Variants in PNLDC1 observed in about 807,000 individuals in gnomAD.
The protein encoded by PNLDC1 is PARN like ribonuclease domain containing exonuclease 1.
A neutral mutation model predicts 82.0 loss-of-function variants in PNLDC1; 70 were observed. The ratio of observed to expected loss-of-function variants is 0.85; its 90% CI spans 0.70 to 1.04. PNLDC1 has a LOEUF of 1.04. PNLDC1 is among the 50% of genes least tolerant of loss of function. The probability of loss-of-function intolerance (pLI) is 0.00; values close to 1 mark genes in which losing one functional copy is unlikely to be tolerated. For synonymous variants in PNLDC1, 280 were observed against 249.3 expected (o/e 1.12, Z -1.16); for missense variants, 631 against 661.1 (o/e 0.95, Z 0.50).
intron 10 of PNLDC1, among the ~76,000 whole-genome samples, chr6:159,811,260 ATAACT>A (rs1170635586): frequency 5.3e-5 from 8 of 152,210 alleles, no homozygotes; most frequent in Admixed American, 3.3e-4. Flanking sequence ...GGTATAACTG[ATAACT>A]TTACCAACTG....
chr6:159,811,379 G>A (rs1781639531), intron 10 of PNLDC1, among the ~76,000 whole-genome samples: 1 of 151,942 alleles, frequency 6.6e-6, no homozygotes, highest in Non-Finnish European at 1.5e-5. Flanking sequence ...ATGATATCAT[G>A]TCTGCCTTTC....
rs919222498 is a variant in PNLDC1, at chr6:159,817,104, C to T, written c.1115-5C>T. The T allele has an allele frequency of 3.1e-6, 5 of 1,611,246 alleles. No homozygotes were observed. The African/African-American group carries it at 5.3e-5, about 17-fold the overall frequency. ...TATTGCATTTCTGTCTTTTTTCCTT[C>T]CTAGTTCTTTTGAAAGTGGCACACT... On this transcript the variant is annotated splice_polypyrimidine_tract_variant and splice_region_variant and intron_variant, in intron 14 of 18. Coordinates refer to ENST00000392167, the MANE Select transcript of PNLDC1 (RefSeq NM_001271862.2).
chr6:159,818,554 G>A lies in PNLDC1; in HGVS notation c.1158-1G>A. On this transcript the variant is annotated splice_acceptor_variant, in intron 15 of 18. Coordinates refer to ENST00000392167, the MANE Select transcript of PNLDC1 (RefSeq NM_001271862.2). LOFTEE classifies it high-confidence loss of function. Reference sequence around the variant, plus strand: ...AGCTTTGGGGTTTTCTGTCCTTGCAGCATCGACCCCGTGCCCGAGTCATCC... The same window carrying A: ...AGCTTTGGGGTTTTCTGTCCTTGCAACATCGACCCCGTGCCCGAGTCATCC... 1 of 1,613,418 alleles carries A rather than the reference G, an allele frequency of 6.2e-7. No homozygotes were observed. Among genetic ancestry groups the A allele is most frequent in the Non-Finnish European group, 8.5e-7 (1 of 1,179,934 alleles).
intron 13 of PNLDC1, 69 bp downstream of exon 13, chr6:159,816,102 C>G: frequency 8.0e-7 from 1 of 1,251,054 alleles, no homozygotes; most frequent in Non-Finnish European, 1.1e-6. Context: ...TGAGCTTGTC[C>G]TTGACCCTGG....
In PNLDC1 at chr6:159,815,871, A is replaced by G; in HGVS notation, c.996-98A>G. The G allele has an allele frequency of 4.3e-6, 4 of 920,610 alleles. No individual in the cohort carries two copies. The South Asian group carries it at 4.4e-5, about 10-fold the overall frequency. The allele number at this position is 920,610 out of a possible 1,614,324, so 57.0% of individuals were successfully genotyped here. On this transcript the variant is annotated intron_variant, in intron 12 of 18. Transcript: ENST00000392167. ...CACCTTAAAGATATGTCCTCAGTAC[A>G]TTTAAAAAATTTATATTAACTTAAG...
At chr6:159,805,877 G>T in intron 6 of PNLDC1, 106 bp from the exon 7 acceptor site, 1 of 804,322 alleles carries the variant, frequency 1.2e-6, no homozygotes. Flanking sequence ...TTTGTATATT[G>T]CAACATGAAA....
chr6:159,813,594 A>C lies in PNLDC1; in HGVS notation c.940-7A>C. On this transcript the variant is annotated splice_polypyrimidine_tract_variant and splice_region_variant and intron_variant, in intron 11 of 18. Transcript: ENST00000392167. ...GTTTTCCTCTGGTTTGTTTTCCATG[A>C]TTGTAGGAGATGAATTTCCCGAGGG... 1 of 1,610,390 alleles carries C rather than the reference A, an allele frequency of 6.2e-7. No homozygotes were observed. The highest frequency in any genetic ancestry group is 1.7e-5 in the Admixed American group (1 of 60,024).
chr6:159,804,437 G>T lies in PNLDC1; in HGVS notation c.373-112G>T, dbSNP rs866705194. 52 of 753,018 alleles carry T rather than the reference G, an allele frequency of 6.9e-5. 1 individual carries two copies. In the Middle Eastern group the frequency reaches 6.8e-3, roughly 99 times the overall value. 46.6% of individuals were successfully genotyped at this position (753,018 alleles called of 1,614,324 possible). The stretch of plus-strand genomic sequence containing the variant: ...TCTTACAAGTGATCTAGACGAACTG[G>T]CTTATACAGCCCGTCTCCTTTCCCC... On this transcript the variant is annotated intron_variant, in intron 5 of 18. Transcript: ENST00000392167.
At chr6:159,805,700 T>C (rs896572901) in intron 6 of PNLDC1, 7 of 376,642 alleles carry the variant, frequency 1.9e-5, no homozygotes, top group African/African-American at 1.4e-4. Flanking sequence ...CAATGCTTGG[T>C]ATTGGCTAGA....
chr6:159,808,679 C>T, intron 7 of PNLDC1, 61 bp from the exon 8 acceptor site: 1 of 1,487,806 alleles, frequency 6.7e-7, no homozygotes, highest in Non-Finnish European at 9.3e-7. Flanking sequence ...CAGGGCTTCT[C>T]TTGTGGGGAA....
chr6:159,812,513 C>T (rs1348261837), intron 11 of PNLDC1, among the ~76,000 whole-genome samples: 3 of 152,174 alleles, frequency 2.0e-5, no homozygotes, highest in Admixed American at 6.5e-5. Flanking sequence ...TTCATTGAGC[C>T]CTCCAGTCAT....
rs150861101 is a variant in PNLDC1, at chr6:159,800,482, CAGAG to C, written c.76+102_76+105del. On this transcript the variant is annotated intron_variant, in intron 1 of 18. Coordinates refer to ENST00000392167, the MANE Select transcript of PNLDC1 (RefSeq NM_001271862.2). ...GGACGGTTGCCAGGCCACAGGGCCT[CAGAG>C]AGGGCCTCGGGAAGGACAGGGGGGC... 2,946 of 1,398,364 alleles carry C rather than the reference CAGAG, an allele frequency of 2.1e-3. 38 individuals are homozygous for C. The East Asian group carries it at 0.034, about 16-fold the overall frequency. The allele number at this position is 1,398,364 out of a possible 1,614,324, so 86.6% of individuals were successfully genotyped here. A position where few individuals can be genotyped will look rare whatever the true frequency, so the allele number is the denominator to read the frequency against.
At position 159,801,120 on chromosome 6, in the gene PNLDC1, G is replaced by A; in HGVS notation, c.142G>A (p.Asp48Asn). 6.2e-7 allele frequency: 1 copy of A among 1,614,138 alleles called. No individual in the cohort carries two copies. Among genetic ancestry groups the A allele is most frequent in the East Asian group, 2.2e-5 (1 of 44,884 alleles). The change falls in exon 3 of 19, where the codon GAT (aspartate) becomes AAT (asparagine). Residue 48 changes from aspartate (D) to asparagine (N), a missense_variant. By Grantham distance (23) the Asp-to-Asn change is conservative. Transcript: ENST00000392167. ...ATGCCTGTTTGTTCACAGTCTTTTT[G>A]ATTTGCCATCGGAGTGGTATCTAAA... ...LSGPQQISLF[D>N]LPSEWYLKTR...
intron 15 of PNLDC1, among the ~76,000 whole-genome samples, chr6:159,818,347 CTCT>C (rs1781907298): frequency 2.0e-5 from 3 of 152,210 alleles, no homozygotes; most frequent in South Asian, 2.1e-4. Context: ...TGTCTGGAAG[CTCT>C]TCTTCTATGT....
At chr6:159,808,529 TA>T (rs751817467) in intron 7 of PNLDC1, among the ~76,000 whole-genome samples, 222 of 127,350 alleles carry the variant, frequency 1.7e-3, no homozygotes, top group East Asian at 6.8e-3. Flanking sequence ...GGCCCTGAGA[TA>T]AAAAAAAAAA....
At chr6:159,803,506 T>C in intron 4 of PNLDC1, 196 bp downstream of exon 4, 1 of 607,150 alleles carries the variant, frequency 1.6e-6, no homozygotes, top group Non-Finnish European at 2.9e-6. Context: ...AGCAGTACCT[T>C]TCCCGCCAGC....
At position 159,819,882 on chromosome 6, in the gene PNLDC1, G is replaced by T. The variant is rs1781978448; in HGVS notation, c.1532+530G>T. 6.6e-6 allele frequency among the ~76,000 whole-genome samples: 1 copy of T among 152,152 alleles called. No homozygotes were observed. The highest frequency in any genetic ancestry group is 1.5e-5 in the Non-Finnish European group (1 of 68,024). ...CAGGAGAAGGAACCAGTGCCCCCCA[G>T]CTGGGGGCCACCCAGGGAGGACGTG... On this transcript the variant is annotated intron_variant, in intron 18 of 18. Transcript: ENST00000392167. This position sits in a 1 kb window ranked among gnomAD's most constrained non-coding sequence, Gnocchi z 4.6.
rs1008871544 is a variant in PNLDC1 at position 159,801,108 on chromosome 6, C to G, written c.135-5C>G. Reference sequence around the variant, plus strand: ...TCGTGGAATGAGATGCCTGTTTGTTCACAGTCTTTTTGATTTGCCATCGGA... The same window carrying G: ...TCGTGGAATGAGATGCCTGTTTGTTGACAGTCTTTTTGATTTGCCATCGGA... On this transcript the variant is annotated splice_region_variant and splice_polypyrimidine_tract_variant and intron_variant, in intron 2 of 18. Transcript: ENST00000392167. 5 of 1,614,084 alleles carry G rather than the reference C, an allele frequency of 3.1e-6. No individual in the cohort carries two copies. In the Middle Eastern group the frequency reaches 6.6e-4, roughly 213 times the overall value.
In PNLDC1 at chr6:159,816,031, A is replaced by G. The variant is rs1474478174; in HGVS notation, c.1058A>G (p.Tyr353Cys). The change falls in exon 13 of 19, where the codon TAT (tyrosine) becomes TGT (cysteine). Residue 353 changes from tyrosine (Y) to cysteine (C), a missense_variant and splice_region_variant. Tyr to Cys is a radical substitution (Grantham distance 194). Transcript: ENST00000392167. ...GTTCACGCGAGCAGGTGTGAGAAAT[A>G]TGGTACGTTCCCATGAGCCCATAAT... ...EIVHASRCEK[Y>C]VETKCPHEAA... The G allele has an allele frequency of 4.3e-6, 7 of 1,611,760 alleles. No individual in the cohort carries two copies. The highest frequency in any genetic ancestry group is 5.9e-6 in the Non-Finnish European group (7 of 1,179,174).
Sources: allele counts gnomAD v4.1 joint callset (sites outside exome capture counted in the v4.1 genomes callset), GRCh38; gene constraint gnomAD v4.1.1; non-coding constraint Gnocchi (gnomAD v3.1); transcripts MANE v1.5; gene names NCBI Gene and HGNC (gene_info 2026-07-23, HGNC 2026-07-21).